DNAH1: variants seen among roughly 807,000 people sequenced by gnomAD.
DNAH1 encodes dynein axonemal heavy chain 1.
In DNAH1, 327 loss-of-function variants were observed where a neutral mutation model predicts 484.3. That is an observed-to-expected ratio of 0.68 (90% CI 0.62 to 0.74). The LOEUF (loss-of-function observed/expected upper bound fraction) is 0.74. DNAH1 is among the 30% of genes least tolerant of loss of function. The pLI is 0.00. For missense variants in DNAH1, 5,052 were observed against 5,546.8 expected (o/e 0.91, Z 2.83); for synonymous variants, 2,192 against 2,191.9 (o/e 1.00, Z 0.00).
Position 52,391,559 on chromosome 3 carries a change from G to T in DNAH1, c.10008G>T (p.Glu3336Asp). 2.5e-6 allele frequency: 4 copies of T among 1,613,824 alleles called. No homozygotes were observed. Among genetic ancestry groups the T allele is most frequent in the Non-Finnish European group, 3.4e-6 (4 of 1,179,846 alleles). ...TKLPNPHYTP[E>D]ISTKLTLINF... Reference sequence around the variant, plus strand: ...TGCCCAACCCACACTACACGCCCGAGATCTCCACCAAACTCACCCTCATCA... The same window carrying T: ...TGCCCAACCCACACTACACGCCCGATATCTCCACCAAACTCACCCTCATCA... Residue 3336 changes from glutamate (E) to aspartate (D), a missense_variant, in exon 63 of 78, where the codon GAG becomes GAT. By Grantham distance (45) the Glu-to-Asp change is conservative. Coordinates refer to ENST00000420323, the MANE Select transcript of DNAH1 (RefSeq NM_015512.5).
At chr3:52,396,819 G>T (rs770556641) in intron 72 of DNAH1, 22 bp downstream of exon 72, 2 of 1,612,420 alleles carry the variant, frequency 1.2e-6, no homozygotes, top group African/African-American at 2.7e-5. Flanking sequence ...GCAGACTGGG[G>T]CCTGGGGGAC....
rs376075028 is a variant in DNAH1, at chr3:52,381,636, A to C, written c.7609-4A>C. On this transcript the variant is annotated splice_region_variant and splice_polypyrimidine_tract_variant and intron_variant, in intron 48 of 77. Coordinates refer to ENST00000420323, the MANE Select transcript of DNAH1 (RefSeq NM_015512.5). The surrounding 1 kb of genome is among the most constrained non-coding windows in gnomAD (Gnocchi z 4.1). ...GCCTTCCCCATCCTCGCCTTGGTGC[A>C]CAGATGATGCAGGTGATAGAGGAGT... The C allele has an allele frequency of 1.4e-5, 22 of 1,599,828 alleles. No homozygotes were observed. The highest frequency in any genetic ancestry group is 1.9e-5 in the Non-Finnish European group (22 of 1,172,020).
rs770933781 is a variant in DNAH1 at position 52,380,040 on chromosome 3, A to C, written c.7513A>C (p.Asn2505His). 11 of 1,601,306 alleles carry C rather than the reference A, an allele frequency of 6.9e-6. No homozygotes were observed. The African/African-American group carries it at 1.5e-4, about 21-fold the overall frequency. The change falls in exon 48 of 78, where the codon AAC becomes CAC. Residue 2505 changes from asparagine (N) to histidine (H), a missense_variant. Physicochemically the swap from Asn to His is moderately conservative, Grantham distance 68 (BLOSUM62 1). This residue lies in a region of DNAH1 where 2,929 missense variants were observed against 3,409.4 expected (regional missense o/e 0.86). Transcript: ENST00000420323. ...CATGGAGCAGTGGGAGGTGACCTTC[A>C]ACAAGGTCTGCCCCTTCCAGCCCAT... The part of the protein sequence containing the change: ...RCMEQWEVTF[N>H]KVCPFQPILY...
rs2153224495 is a variant in DNAH1 at position 52,365,008 on chromosome 3, A to G, written c.5507A>G (p.Lys1836Arg). The G allele has an allele frequency of 6.2e-7, 1 of 1,609,404 alleles. No homozygotes were observed. Residue 1836 changes from lysine to arginine, a missense_variant, in exon 34 of 78, where the codon AAG becomes AGG. Transcript: ENST00000420323. ...GAGGCCTGCAGGAACAGCAACCTCA[A>G]GGATGTGGAGGGTGAGCCTCGGGCC... ...IREACRNSNLKDVEGFLTKCI... is the reference protein window; with the variant it reads ...IREACRNSNLRDVEGFLTKCI...
At chr3:52,312,253 C>T (rs1700795510), upstream of DNAH1, among the ~76,000 whole-genome samples, 1 of 152,116 alleles carries the variant, frequency 6.6e-6, no homozygotes, top group Non-Finnish European at 1.5e-5. Context: ...TCTGCAAGGG[C>T]CAGTTTCTCT....
chr3:52,358,827 A>AG lies in DNAH1; in HGVS notation c.4266+92dup. ...TCCTGCTCTAGCCGGCCTCGTCCTC[A>AG]GGCTGCAGCCCTGAGGTCCCTGGGG... On this transcript the variant is annotated intron_variant, in intron 25 of 77. Transcript: ENST00000420323. This position sits in a 1 kb window ranked among gnomAD's most constrained non-coding sequence, Gnocchi z 4.2. The AG allele has an allele frequency of 2.0e-6, 3 of 1,509,632 alleles. No homozygotes were observed. Among genetic ancestry groups the AG allele is most frequent in the Non-Finnish European group, 2.7e-6 (3 of 1,112,596 alleles). The allele number at this position is 1,509,632 out of a possible 1,614,324, so 93.5% of individuals were successfully genotyped here.
chr3:52,382,240 G>A (rs1356103598), intron 49 of DNAH1, 80 bp from the exon 50 acceptor site: 16 of 1,605,270 alleles, frequency 1.0e-5, no homozygotes, highest in Non-Finnish European at 1.2e-5. Flanking sequence ...AGGTGGTCAG[G>A]GTAGGGTGTG....
intron 1 of DNAH1, among the ~76,000 whole-genome samples, chr3:52,318,159 C>T (rs994876864): frequency 2.0e-5 from 3 of 152,274 alleles, no homozygotes; most frequent in African/African-American, 4.8e-5. Flanking sequence ...TCAAGCGATT[C>T]TCCAGCCTCA....
rs747106981 is a variant in DNAH1 at position 52,380,014 on chromosome 3, G to T, written c.7487G>T (p.Cys2496Phe). The change falls in exon 48 of 78, where the codon TGC becomes TTC. Residue 2496 changes from cysteine (C) to phenylalanine (F), a missense_variant. Cys to Phe is a radical substitution (Grantham distance 205). Transcript: ENST00000420323. ...TGGTTCGACCAGCTCCTCAAGCGCT[G>T]CATGGAGCAGTGGGAGGTGACCTTC... ...RSWFDQLLKR[C>F]MEQWEVTFNK... 5 of 1,594,750 alleles carry T rather than the reference G, an allele frequency of 3.1e-6. No individual in the cohort carries two copies. The highest frequency in any genetic ancestry group is 4.3e-6 in the Non-Finnish European group (5 of 1,170,836).
Position 52,393,045 on chromosome 3 carries a change from C to T in DNAH1, c.10474+20C>T. 6.2e-7 allele frequency: 1 copy of T among 1,610,746 alleles called. No homozygotes were observed. The highest frequency in any genetic ancestry group is 1.1e-5 in the South Asian group (1 of 90,922). ...GAGCAGGTAGCACCGGCATGCCAGG[C>T]TCCTACCCTGCACAGATATGACCCA... On this transcript the variant is annotated intron_variant, in intron 65 of 77. Coordinates refer to ENST00000420323, the MANE Select transcript of DNAH1 (RefSeq NM_015512.5).
At position 52,350,561 on chromosome 3, in the gene DNAH1, C is replaced by T. The variant is rs1255898283; in HGVS notation, c.2700C>T (p.Tyr900=). The T allele has an allele frequency of 6.2e-7, 1 of 1,613,926 alleles. No homozygotes were observed. Among genetic ancestry groups the T allele is most frequent in the Non-Finnish European group, 8.5e-7 (1 of 1,179,840 alleles). The change falls in exon 16 of 78, where the codon TAC becomes TAT. Residue 900 remains tyrosine (Y), a synonymous_variant. Coordinates refer to ENST00000420323, the MANE Select transcript of DNAH1 (RefSeq NM_015512.5). ...DDYQVMDEFL[Y]NLSSDDFNDK... Reference sequence around the variant, plus strand: ...ACCAGGTCATGGATGAATTCCTCTACAACCTCAGCTCAGATGACTTCAATG... The same window carrying T: ...ACCAGGTCATGGATGAATTCCTCTATAACCTCAGCTCAGATGACTTCAATG...
chr3:52,375,887 C>T, intron 45 of DNAH1, 68 bp from the exon 46 acceptor site: 1 of 1,586,038 alleles, frequency 6.3e-7, no homozygotes, highest in Admixed American at 1.8e-5. Context: ...CACCATCTCA[C>T]CTGGCCAGGG....
rs754240161 is a variant in DNAH1 at position 52,349,063 on chromosome 3, A to G, written c.2282A>G (p.Asp761Gly). The change falls in exon 13 of 78, where the codon GAC becomes GGC. Residue 761 changes from aspartate to glycine, a missense_variant. Around this residue, in one of 4 missense-constraint regions of DNAH1, gnomAD observed 1,263 missense variants for 1,218.8 expected, o/e 1.04. Transcript: ENST00000420323. Reference protein sequence around the residue: ...YRKYLELNNNDIASFLKTYQT... With the variant: ...YRKYLELNNNGIASFLKTYQT... ...AAGTACCTGGAGCTGAACAACAATG[A>G]CATTGCCTCCTTTCTCAAGTGCGTA... The G allele has an allele frequency of 6.2e-7, 1 of 1,612,940 alleles. No homozygotes were observed. Among genetic ancestry groups the G allele is most frequent in the Non-Finnish European group, 8.5e-7 (1 of 1,179,884 alleles).
intron 44 of DNAH1, chr3:52,374,007 T>G (rs944606663): frequency 1.0e-5 from 11 of 1,062,230 alleles, no homozygotes; most frequent in Non-Finnish European, 1.6e-5. Flanking sequence ...TCTGCAGATT[T>G]CCAATCTAAT....
chr3:52,395,642 C>G lies in DNAH1; in HGVS notation c.11223C>G (p.Ala3741=). 1 of 1,613,876 alleles carries G rather than the reference C, an allele frequency of 6.2e-7. No homozygotes were observed. The highest frequency in any genetic ancestry group is 8.5e-7 in the Non-Finnish European group (1 of 1,179,884). The change falls in exon 70 of 78, where the codon GCC becomes GCG. Residue 3741 remains alanine, a synonymous_variant. Transcript: ENST00000420323. This position sits in a 1 kb window ranked among gnomAD's most constrained non-coding sequence, Gnocchi z 4.4. ...ACCTGGCACCAAGCTGGATGCCAGC[C>G]CTAGAACGCCTCATCGAGCACATCA... ...NCHLAPSWMP[A]LERLIEHINP... is the part of the protein sequence containing the mutation.
At chr3:52,314,774 GAAGTAGCCC>G (rs1489205056), upstream of DNAH1, among the ~76,000 whole-genome samples, 1 of 152,208 alleles carries the variant, frequency 6.6e-6, no homozygotes, top group Non-Finnish European at 1.5e-5. Context: ...TGTGTCCTGA[GAAGTAGCCC>G]AAGATGGCAT....
rs1156521127 is a variant in DNAH1, at chr3:52,397,696, C to G, written c.11788-11C>G. 1.3e-6 allele frequency: 2 copies of G among 1,584,316 alleles called. No homozygotes were observed. The highest frequency in any genetic ancestry group is 2.7e-5 in the African/African-American group (2 of 73,884). ...AGCCAGGGGCTTCCATGTTGGCCTC[C>G]TCTCTCCTAGGGCTACCTCTCCTAC... On this transcript the variant is annotated splice_polypyrimidine_tract_variant and intron_variant, in intron 73 of 77. Coordinates refer to ENST00000420323, the MANE Select transcript of DNAH1 (RefSeq NM_015512.5).
chr3:52,326,875 T>C lies in DNAH1; in HGVS notation c.722T>C (p.Ile241Thr), dbSNP rs761435240. 3.7e-6 allele frequency: 6 copies of C among 1,612,456 alleles called. No homozygotes were observed. The highest frequency in any genetic ancestry group is 8.5e-7 in the Non-Finnish European group (1 of 1,179,208). The change falls in exon 5 of 78, where the codon ATC (isoleucine) becomes ACC (threonine). Residue 241 changes from isoleucine to threonine, a missense_variant. Coordinates refer to ENST00000420323, the MANE Select transcript of DNAH1 (RefSeq NM_015512.5). Reference protein sequence around the residue: ...IEQGHDPIFPIYLPLKVFDNE... With the variant: ...IEQGHDPIFPTYLPLKVFDNE... ...CAGGGCCATGACCCAATCTTCCCCATCTACCTCCCACTGAAGGTGAGCCGG... is the reference window on the plus strand; with the variant it reads ...CAGGGCCATGACCCAATCTTCCCCACCTACCTCCCACTGAAGGTGAGCCGG...
At chr3:52,319,462 G>C (rs1249162452) in intron 1 of DNAH1, among the ~76,000 whole-genome samples, 1 of 152,214 alleles carries the variant, frequency 6.6e-6, no homozygotes, top group Non-Finnish European at 1.5e-5. Context: ...TCCCACCTCA[G>C]AAGTTTAAAT....
Sources: gnomAD v4.1 joint callset for allele counts (sites outside exome capture counted in the v4.1 genomes callset) on GRCh38, gnomAD v4.1.1 for gene constraint, gnomAD v4.1.1 regional missense constraint, Gnocchi (gnomAD v3.1) non-coding constraint, MANE v1.5 for transcripts, NCBI Gene and HGNC (gene_info 2026-07-23, HGNC 2026-07-21) for gene names.